Variants in SYNE2 observed in about 807,000 individuals in gnomAD.
SYNE2 encodes the protein nesprin-2.
Under a neutral mutation model 856.3 loss-of-function variants are expected in SYNE2, and 431 were observed. The ratio of observed to expected loss-of-function variants is 0.50; its 90% CI spans 0.47 to 0.55. The LOEUF is 0.55. SYNE2 is among the 20% of genes least tolerant of loss of function. The pLI, the probability that SYNE2 is intolerant of heterozygous loss-of-function variation, is 0.00. For missense variants in SYNE2, 8,129 were observed against 8,023.2 expected, an observed-to-expected ratio of 1.01 and a Z score of -0.50; for synonymous variants, 2,923 against 2,872.3, an observed-to-expected ratio of 1.02 and a Z score of -0.56.
chr14:63,944,290 AT>A (rs1229744002), intron 6 of SYNE2, among the ~76,000 whole-genome samples: 1 of 15,382 alleles, frequency 6.5e-5, no homozygotes, highest in Non-Finnish European at 1.6e-4. Flanking sequence ...ATATATATAT[AT>A]ATATATATAT....
chr14:64,212,973 C>T lies in SYNE2; in HGVS notation c.19024C>T (p.Arg6342Trp), dbSNP rs767986628. ...YCQEVFGRVSRFHRRLTSCTP... is the reference protein window; with the variant it reads ...YCQEVFGRVSWFHRRLTSCTP... ...CCAGGAGGTGTTTGGAAGGGTCTCC[C>T]GGTTCCACCGGCGGCTCACCTCCTG... The change falls in exon 105 of 116, where the codon CGG becomes TGG. Residue 6342 changes from arginine (R) to tryptophan (W), a missense_variant. By Grantham distance (101) the Arg-to-Trp change is moderately radical. Transcript: ENST00000555002. 4.3e-6 allele frequency: 7 copies of T among 1,613,784 alleles called. No individual in the cohort carries two copies. Among genetic ancestry groups the T allele is most frequent in the Non-Finnish European group, 5.1e-6 (6 of 1,180,008 alleles).
intron 51 of SYNE2, among the ~76,000 whole-genome samples, chr14:64,069,547 C>A (rs143925975): frequency 1.4e-4 from 21 of 152,296 alleles, no homozygotes; most frequent in Admixed American, 1.4e-3. Flanking sequence ...TTCCCCAGGC[C>A]CCTCTCGACA....
Position 64,016,656 on chromosome 14 carries a change from A to G in SYNE2, c.4887+25A>G, listed in dbSNP as rs376804335. On this transcript the variant is annotated intron_variant, in intron 33 of 115. Transcript: ENST00000555002. ...TGTAAGTGATAATTTCATTGATTGC[A>G]AATTTAATTTTGTTTCCAATATTTT... 92 of 1,506,296 alleles carry G rather than the reference A, an allele frequency of 6.1e-5. No homozygotes were observed. The African/African-American group carries it at 1.0e-3, about 17-fold the overall frequency. 93.3% of individuals were successfully genotyped at this position (1,506,296 alleles called of 1,614,324 possible).
At position 64,225,343 on chromosome 14, in the gene SYNE2, G is replaced by A; in HGVS notation, c.20541G>A (p.Gln6847=). Residue 6847 remains glutamine, a synonymous_variant, in exon 116 of 116, where the codon CAG becomes CAA. Transcript: ENST00000555002. ...ESRVPGSTRP[Q]RSFLSRVVRA... ...GGGTCCCCGGCAGCACACGGCCACA[G>A]CGCTCCTTCCTCTCAAGGGTGGTCC... The A allele has an allele frequency of 6.2e-6, 10 of 1,614,108 alleles. No individual in the cohort carries two copies. The highest frequency in any genetic ancestry group is 8.5e-6 in the Non-Finnish European group (10 of 1,180,018).
At position 63,979,081 on chromosome 14, in the gene SYNE2, T is replaced by C. The variant is rs996646629; in HGVS notation, c.1569+67T>C. 2.3e-5 allele frequency: 35 copies of C among 1,524,780 alleles called. No individual in the cohort carries two copies. The African/African-American group carries it at 4.4e-4, about 19-fold the overall frequency. 94.5% of individuals were successfully genotyped at this position (1,524,780 alleles called of 1,614,324 possible). ...CTGGGTGCTGTGTTTGCATTTTTCC[T>C]TGGCATGATTTCCCATTAACTCTTC... On this transcript the variant is annotated intron_variant, in intron 14 of 115. Coordinates refer to ENST00000555002, the MANE Select transcript of SYNE2 (RefSeq NM_182914.3).
chr14:64,214,130 A>C (rs1152591), intron 105 of SYNE2, 64 bp from the exon 106 acceptor site: 8 of 1,612,658 alleles, frequency 5.0e-6, no homozygotes, highest in Non-Finnish European at 6.8e-6. Context: ...CAGACTTCTC[A>C]TGCTCTTCTA....
chr14:64,186,317 C>T (rs1325655182), intron 96 of SYNE2, 107 bp from the exon 97 acceptor site: 3 of 1,462,910 alleles, frequency 2.1e-6, no homozygotes, highest in Non-Finnish European at 2.9e-6. Context: ...TCCCTCTCTC[C>T]TGGCCTCCCC....
At chr14:64,095,438 G>A (rs1247477464) in intron 61 of SYNE2, among the ~76,000 whole-genome samples, 1 of 152,072 alleles carries the variant, frequency 6.6e-6, no homozygotes, top group Non-Finnish European at 1.5e-5. Context: ...ATAACATCAC[G>A]CTCGATCACT....
chr14:64,133,046 CAA>C (rs61232749), intron 77 of SYNE2, among the ~76,000 whole-genome samples: 1 of 148,824 alleles, frequency 6.7e-6, no homozygotes, highest in African/African-American at 2.5e-5. Context: ...ACTAAAAATA[CAA>C]AAAAAAAATT....
At chr14:63,890,889 C>G (rs1288713247) in intron 1 of SYNE2, among the ~76,000 whole-genome samples, 1 of 152,174 alleles carries the variant, frequency 6.6e-6, no homozygotes, top group Non-Finnish European at 1.5e-5. Context: ...TGTTCATGCT[C>G]CTCTCTGTTC....
chr14:63,772,525 C>T (rs947537654), intron 1 of SYNE2, among the ~76,000 whole-genome samples: 1 of 151,978 alleles, frequency 6.6e-6, no homozygotes, highest in Non-Finnish European at 1.5e-5. Flanking sequence ...GGATGGATTA[C>T]TTGAGCAGGA....
In SYNE2 at chr14:64,052,152, T is replaced by C. The variant is rs1567161174; in HGVS notation, c.8239T>C (p.Leu2747=). ...GACTATCTTATGGGCCAAGAATTTGTTGGGTGAACTTAATCCCTCCATTCC... is the reference window on the plus strand; with the variant it reads ...GACTATCTTATGGGCCAAGAATTTGCTGGGTGAACTTAATCCCTCCATTCC... ...KETILWAKNL[L]GELNPSIPLL... Residue 2747 remains leucine, a synonymous_variant, in exon 48 of 116, where the codon TTG becomes CTG. Coordinates refer to ENST00000555002, the MANE Select transcript of SYNE2 (RefSeq NM_182914.3). The C allele has an allele frequency of 4.3e-6, 7 of 1,614,148 alleles. No individual in the cohort carries two copies. Among genetic ancestry groups the C allele is most frequent in the Non-Finnish European group, 5.9e-6 (7 of 1,180,024 alleles).
At chr14:64,139,246 G>A (rs574743133) in intron 79 of SYNE2, among the ~76,000 whole-genome samples, 1 of 152,050 alleles carries the variant, frequency 6.6e-6, no homozygotes, top group South Asian at 2.1e-4. Context: ...TTACCCCAAA[G>A]TGCTGGGATT....
chr14:64,175,282 T>A, intron 95 of SYNE2, 144 bp downstream of exon 95: 1 of 871,796 alleles, frequency 1.1e-6, no homozygotes, highest in Non-Finnish European at 1.8e-6. Flanking sequence ...GTCATGCCAG[T>A]TACTTAATGT....
At chr14:64,141,258 T>A in intron 80 of SYNE2, 83 bp from the exon 81 acceptor site, 1 of 1,109,670 alleles carries the variant, frequency 9.0e-7, no homozygotes, top group South Asian at 1.4e-5. Context: ...TATGTTTATT[T>A]GTTGACTCTA....
At chr14:63,842,622 C>T (rs781027512) in intron 1 of SYNE2, among the ~76,000 whole-genome samples, 2 of 151,270 alleles carry the variant, frequency 1.3e-5, no homozygotes, top group Admixed American at 1.3e-4. Context: ...CCACACCCAG[C>T]GAATTTTTGT....
chr14:64,204,559 G>C (rs1246702227), intron 100 of SYNE2, among the ~76,000 whole-genome samples: 1 of 152,146 alleles, frequency 6.6e-6, no homozygotes, highest in African/African-American at 2.4e-5. Flanking sequence ...ACAGTTTGGA[G>C]CCACTGCTAT....
rs775095837 is a variant in SYNE2, at chr14:64,219,300, A to G, written c.19750A>G (p.Ser6584Gly). 1.9e-6 allele frequency: 3 copies of G among 1,614,122 alleles called. No individual in the cohort carries two copies. The highest frequency in any genetic ancestry group is 2.2e-5 in the South Asian group (2 of 91,074). ...TTTGCAACAGCTGAACTCTGATATCAGCGCCATCACTACTTGGCTGAAAAA... is the reference window on the plus strand; with the variant it reads ...TTTGCAACAGCTGAACTCTGATATCGGCGCCATCACTACTTGGCTGAAAAA... ...QNLQQLNSDI[S>G]AITTWLKKTE... Residue 6584 changes from serine (S) to glycine (G), a missense_variant, in exon 110 of 116, where the codon AGC (serine) becomes GGC (glycine). By Grantham distance (56) the Ser-to-Gly change is moderately conservative. Around this residue, in one of 3 missense-constraint regions of SYNE2, gnomAD observed 5,410 missense variants for 5,284.8 expected, o/e 1.02. Coordinates refer to ENST00000555002, the MANE Select transcript of SYNE2 (RefSeq NM_182914.3).
intron 53 of SYNE2, among the ~76,000 whole-genome samples, chr14:64,075,444 C>T (rs2097450545): frequency 6.6e-6 from 1 of 152,174 alleles, no homozygotes; most frequent in South Asian, 2.1e-4. Flanking sequence ...CTTTTGAAAG[C>T]AGTTGAGCTC....
Sources: allele counts gnomAD v4.1 joint callset (sites outside exome capture counted in the v4.1 genomes callset), GRCh38; gene constraint gnomAD v4.1.1; regional missense constraint gnomAD v4.1.1; transcripts MANE v1.5; gene names NCBI Gene and HGNC (gene_info 2026-07-23, HGNC 2026-07-21).